Variants in NUP93 observed in about 807,000 individuals in gnomAD.
The protein encoded by NUP93 is nuclear pore complex protein Nup93.
A neutral mutation model predicts 107.8 loss-of-function variants in NUP93; 55 were observed. That is an observed-to-expected ratio of 0.51 (90% CI 0.41 to 0.64). The LOEUF is 0.64. Ranked by LOEUF, NUP93 falls within the 30% of genes least tolerant of loss-of-function variation. The probability of loss-of-function intolerance (pLI) is 0.00; values close to 1 mark genes in which losing one functional copy is unlikely to be tolerated. For missense variants in NUP93, 937 were observed against 1,044.7 expected (o/e 0.90, Z 1.42); for synonymous variants, 390 against 397.5 (o/e 0.98, Z 0.22).
rs1218117832 is a variant in NUP93, at chr16:56,836,595, T to C, written c.1783-6T>C. On this transcript the variant is annotated splice_polypyrimidine_tract_variant and splice_region_variant and intron_variant, in intron 16 of 21. Coordinates refer to ENST00000308159, the MANE Select transcript of NUP93 (RefSeq NM_014669.5). ...CTTCCTCCCCCTCCATAATTTGTCT[T>C]GTCAGCCTGGAGTCATAGATAAGTT... The C allele has an allele frequency of 1.3e-6, 2 of 1,569,664 alleles. No individual in the cohort carries two copies. Among genetic ancestry groups the C allele is most frequent in the Admixed American group, 3.4e-5 (2 of 59,532 alleles).
intron 4 of NUP93, among the ~76,000 whole-genome samples, chr16:56,800,636 A>C (rs955563111): frequency 6.6e-6 from 1 of 152,322 alleles, no homozygotes; most frequent in Non-Finnish European, 1.5e-5. Context: ...TTTTCACACA[A>C]AAAGTGAGCA....
Position 56,748,420 on chromosome 16 carries a change from T to A in NUP93, c.173T>A (p.Val58Asp). 6.2e-7 allele frequency: 1 copy of A among 1,612,018 alleles called. No homozygotes were observed. Among genetic ancestry groups the A allele is most frequent in the Non-Finnish European group, 8.5e-7 (1 of 1,178,680 alleles). The change falls in exon 2 of 22, where the codon GTC becomes GAC. Residue 58 changes from valine (V) to aspartate (D), a missense_variant. Coordinates refer to ENST00000308159, the MANE Select transcript of NUP93 (RefSeq NM_014669.5). ...LTRTSQETAD[V>D]KASVLLGSRG... ...CGCACGTCCCAGGAGACGGCAGATG[T>A]CAAGGCGTGAGTACTGGTAGGGAGA...
chr16:56,815,584 G>A (rs1529929), intron 5 of NUP93, among the ~76,000 whole-genome samples: 65,784 of 152,032 alleles, frequency 0.43, 14,437 homozygotes, highest in East Asian at 0.61. Context: ...TCCTGTGTTC[G>A]TTGTGGTGGT....
chr16:56,731,089 A>G (rs1961527240), intron 1 of NUP93, among the ~76,000 whole-genome samples: 1 of 151,308 alleles, frequency 6.6e-6, no homozygotes, highest in African/African-American at 2.4e-5. Context: ...TGTTTGCAAT[A>G]TTTTTATTTT....
chr16:56,743,985 G>A (rs1157255029), intron 1 of NUP93, among the ~76,000 whole-genome samples: 4 of 152,126 alleles, frequency 2.6e-5, no homozygotes, highest in Non-Finnish European at 4.4e-5. Context: ...TCCCAATCAC[G>A]CTCAAGGGCT....
intron 3 of NUP93, among the ~76,000 whole-genome samples, chr16:56,788,605 CAGAG>C (rs1260405224): frequency 6.6e-6 from 1 of 152,180 alleles, no homozygotes; most frequent in African/African-American, 2.4e-5. Context: ...CTGGGATGAC[CAGAG>C]AGAGAAGTGC....
chr16:56,827,071 T>TAAAAAAAAAAAA (rs1567407800), intron 8 of NUP93, among the ~76,000 whole-genome samples: 19 of 69,294 alleles, frequency 2.7e-4, no homozygotes, highest in African/African-American at 9.2e-4. Context: ...AAAAAAAAAT[T>TAAAAAAAAAAAA]TTGTTGAGTC....
At chr16:56,777,038 G>A (rs62036973) in intron 3 of NUP93, among the ~76,000 whole-genome samples, 3,418 of 152,214 alleles carry the variant, frequency 0.022, 45 homozygotes, top group Middle Eastern at 0.041. Context: ...GTGTGTGCAC[G>A]CACGTGTGTG....
chr16:56,755,903 G>A (rs1042500118), intron 2 of NUP93, among the ~76,000 whole-genome samples: 2 of 152,170 alleles, frequency 1.3e-5, no homozygotes, highest in Middle Eastern at 3.4e-3. Context: ...TAAACAAATT[G>A]TATACTTTAA....
At chr16:56,794,938 A>C (rs1962862387) in intron 3 of NUP93, among the ~76,000 whole-genome samples, 1 of 61,848 alleles carries the variant, frequency 1.6e-5, no homozygotes. Context: ...AAAAAAAAAA[A>C]AAAAAAAAAA....
At chr16:56,803,184 T>TG (rs1963058506) in intron 4 of NUP93, among the ~76,000 whole-genome samples, 1 of 152,132 alleles carries the variant, frequency 6.6e-6, no homozygotes, top group Non-Finnish European at 1.5e-5. Context: ...TGGGGCCTAG[T>TG]GCAGTGGTTC....
intron 3 of NUP93, among the ~76,000 whole-genome samples, chr16:56,773,652 A>G (rs1366431862): frequency 2.6e-5 from 4 of 152,342 alleles, no homozygotes; most frequent in South Asian, 2.1e-4. Flanking sequence ...CCGCAGACCT[A>G]TTGAATCCAA....
chr16:56,837,738 G>T lies in NUP93; in HGVS notation c.2018+12G>T, dbSNP rs764778048. ...TCCATTGCCGAACGGTAAGCCAGGA[G>T]CTGGCTCCATGGGACCCTGAGGGTG... On this transcript the variant is annotated intron_variant, in intron 18 of 21. Transcript: ENST00000308159. 1.2e-6 allele frequency: 2 copies of T among 1,605,574 alleles called. No individual in the cohort carries two copies. The highest frequency in any genetic ancestry group is 1.7e-6 in the Non-Finnish European group (2 of 1,173,126).
In NUP93 at chr16:56,748,400, G is replaced by A. The variant is rs61756119; in HGVS notation, c.153G>A (p.Thr51=). 1.8e-3 allele frequency: 2,848 copies of A among 1,613,418 alleles called. 4 individuals carry two copies. Among genetic ancestry groups the A allele is most frequent in the Non-Finnish European group, 2.1e-3 (2,488 of 1,179,614 alleles). Residue 51 remains threonine (T), a synonymous_variant, in exon 2 of 22, where the codon ACG becomes ACA. Transcript: ENST00000308159. ...ERLRSRTLTR[T]SQETADVKAS... The stretch of plus-strand genomic sequence containing the variant: ...TGCGTTCCCGTACCCTAACACGCAC[G>A]TCCCAGGAGACGGCAGATGTCAAGG...
At chr16:56,774,903 GTT>G (rs550311910) in intron 3 of NUP93, among the ~76,000 whole-genome samples, 7 of 138,382 alleles carry the variant, frequency 5.1e-5, no homozygotes, top group Admixed American at 7.2e-5. Context: ...TTTTGTTTTT[GTT>G]TTTTTTTTTT....
rs761372118 is a variant in NUP93, at chr16:56,829,148, A to ATGTGT, written c.927+39_927+40insTGTGT. Reference sequence around the variant, plus strand: ...TCTCTGTGTGATCAGTTACACCCCCAGAGCAGTTGCCCTCAGATGGGCATT... The same window carrying ATGTGT: ...TCTCTGTGTGATCAGTTACACCCCCATGTGTGAGCAGTTGCCCTCAGATGGGCATT... On this transcript the variant is annotated intron_variant, in intron 9 of 21. Coordinates refer to ENST00000308159, the MANE Select transcript of NUP93 (RefSeq NM_014669.5). The ATGTGT allele has an allele frequency of 2.6e-5, 42 of 1,588,146 alleles. No homozygotes were observed. The South Asian group carries it at 4.0e-4, about 15-fold the overall frequency.
chr16:56,801,501 C>G (rs1273097608), intron 4 of NUP93, among the ~76,000 whole-genome samples: 1 of 150,484 alleles, frequency 6.6e-6, no homozygotes, highest in African/African-American at 2.5e-5. Context: ...CAACCTCCAT[C>G]TCCAGGGTTC....
At position 56,832,242 on chromosome 16, in the gene NUP93, T is replaced by C. The variant is rs1053232380; in HGVS notation, c.1252-53T>C. 44 of 1,461,494 alleles carry C rather than the reference T, an allele frequency of 3.0e-5. No individual in the cohort carries two copies. In the African/African-American group the frequency reaches 5.7e-4, roughly 19 times the overall value. 90.5% of individuals were successfully genotyped at this position (1,461,494 alleles called of 1,614,324 possible). ...TGCTGAACAGCTACAACTCTGTGCA[T>C]GTGGCTCAGGGTGTCATTTGTACCA... On this transcript the variant is annotated intron_variant, in intron 11 of 21. Coordinates refer to ENST00000308159, the MANE Select transcript of NUP93 (RefSeq NM_014669.5).
chr16:56,806,172 TC>T (rs1442375274), intron 5 of NUP93, among the ~76,000 whole-genome samples: 4 of 151,214 alleles, frequency 2.6e-5, no homozygotes, highest in African/African-American at 9.7e-5. Context: ...GAGTTCCCTA[TC>T]TTTATAAGTG....
Sources: gnomAD v4.1 joint callset for allele counts (sites outside exome capture counted in the v4.1 genomes callset) on GRCh38, gnomAD v4.1.1 for gene constraint, MANE v1.5 for transcripts, NCBI Gene and HGNC (gene_info 2026-07-23, HGNC 2026-07-21) for gene names.